The following CXADR variants were observed in gnomAD, a reference collection of about 807,000 sequenced individuals.
The protein encoded by CXADR is coxsackievirus and adenovirus receptor.
A neutral mutation model predicts 40.3 loss-of-function variants in CXADR; 20 were observed. The observed-to-expected ratio is 0.50, with a 90% CI of 0.35 to 0.72. The LOEUF is 0.72. CXADR is among the 30% of genes least tolerant of loss of function. CXADR has a pLI of 0.01. For missense variants in CXADR, 332 were observed against 449.1 expected, an observed-to-expected ratio of 0.74 and a Z score of 2.36; for synonymous variants, 150 against 161.3, an observed-to-expected ratio of 0.93 and a Z score of 0.53.
At chr21:17,515,468 C>T (rs971965266) in intron 1 of CXADR, among the ~76,000 whole-genome samples, 2 of 150,174 alleles carry the variant, frequency 1.3e-5, no homozygotes, top group South Asian at 2.1e-4. Context: ...AGAAGACATA[C>T]TAATTGATGA....
At chr21:17,558,536 TGATTGTCAGGGTTATGGCGCCTAGAGG>T (rs2061065650) in intron 3 of CXADR, among the ~76,000 whole-genome samples, 1 of 152,140 alleles carries the variant, frequency 6.6e-6, no homozygotes, top group African/African-American at 2.4e-5. Flanking sequence ...ATAAACTGCC[TGATTGTCAGGGTTATGGCGCCTAGAGG>T]GATGTGACTT....
At chr21:17,632,832 A>AT in the CXADR span, among the ~76,000 whole-genome samples, 2 of 152,128 alleles carry the variant, frequency 1.3e-5, no homozygotes, top group Non-Finnish European at 2.9e-5. Context: ...TCGCCACCGC[A>AT]CTCCAGCCTG....
At chr21:17,615,344 T>C in the CXADR span, among the ~76,000 whole-genome samples, 6 of 152,182 alleles carry the variant, frequency 3.9e-5, no homozygotes, top group South Asian at 4.1e-4. Context: ...TATTCTGTTA[T>C]AGCATCCTGG....
chr21:17,578,960 C>T (rs1242330923), intron 7 of CXADR, among the ~76,000 whole-genome samples: 1 of 152,180 alleles, frequency 6.6e-6, no homozygotes, highest in Non-Finnish European at 1.5e-5. Flanking sequence ...ATCCCCCCTT[C>T]ACCAGATCCC....
chr21:17,542,070 A>G (rs1274822649), intron 1 of CXADR: 1 of 342,462 alleles, frequency 2.9e-6, no homozygotes, highest in East Asian at 1.1e-4. Context: ...TTTTTAGTAT[A>G]GTTAAATTTT....
downstream of CXADR, among the ~76,000 whole-genome samples, chr21:17,596,892 G>C (rs1436345687): frequency 2.6e-5 from 4 of 151,712 alleles, no homozygotes; most frequent in East Asian, 5.8e-4. Flanking sequence ...CCCTCTCTTG[G>C]GATACCTTTT....
At chr21:17,528,366 G>A (rs371420261) in intron 1 of CXADR, among the ~76,000 whole-genome samples, 1 of 151,560 alleles carries the variant, frequency 6.6e-6, no homozygotes, top group African/African-American at 2.4e-5. Flanking sequence ...GAGCCACCGC[G>A]CCCGGCATGC....
At chr21:17,610,313 A>T in the CXADR span, among the ~76,000 whole-genome samples, 1 of 152,232 alleles carries the variant, frequency 6.6e-6, no homozygotes, top group African/African-American at 2.4e-5. Flanking sequence ...TAAATGGGTG[A>T]ATTGCATGGT....
the CXADR span, among the ~76,000 whole-genome samples, chr21:17,628,723 G>C: frequency 1.3e-5 from 2 of 152,028 alleles, no homozygotes; most frequent in Non-Finnish European, 2.9e-5. Flanking sequence ...GACTGGTCTC[G>C]AACTCCTGAC....
chr21:17,552,748 T>C (rs1191538030), intron 3 of CXADR, among the ~76,000 whole-genome samples: 1 of 152,142 alleles, frequency 6.6e-6, no homozygotes, highest in Non-Finnish European at 1.5e-5. Flanking sequence ...AGGGGACACT[T>C]GGGGATTGAC....
chr21:17,628,161 C>A, the CXADR span, among the ~76,000 whole-genome samples: 1 of 152,166 alleles, frequency 6.6e-6, no homozygotes, highest in Non-Finnish European at 1.5e-5. Flanking sequence ...GGCACTGTTC[C>A]AAGTTCTGGG....
chr21:17,622,594 G>GT, the CXADR span, among the ~76,000 whole-genome samples: 9 of 151,780 alleles, frequency 5.9e-5, no homozygotes, highest in East Asian at 1.9e-4. Context: ...CAAATAACTG[G>GT]TTTTTTTTCC....
At chr21:17,534,406 TA>T (rs1313638635) in intron 1 of CXADR, among the ~76,000 whole-genome samples, 20 of 152,106 alleles carry the variant, frequency 1.3e-4, no homozygotes, top group Admixed American at 1.3e-3. Flanking sequence ...TAGCAGTATT[TA>T]AAGCCTTAGT....
chr21:17,562,261 G>A (rs1056021654), intron 6 of CXADR, among the ~76,000 whole-genome samples: 15 of 152,196 alleles, frequency 9.9e-5, no homozygotes, highest in African/African-American at 2.9e-4. Flanking sequence ...GGCTGATCAG[G>A]ATGGTAGTTG....
intron 7 of CXADR, chr21:17,576,970 C>T (rs1004447352): frequency 3.0e-4 from 46 of 152,194 alleles, no homozygotes; most frequent in African/African-American, 1.1e-3. Context: ...TATTTAAAAA[C>T]AAGTTTAAAT....
intron 1 of CXADR, among the ~76,000 whole-genome samples, chr21:17,535,157 T>G (rs1375380243): frequency 2.0e-5 from 3 of 152,008 alleles, no homozygotes; most frequent in Non-Finnish European, 2.9e-5. Flanking sequence ...ACACAGCGTC[T>G]TGCTCTGTTG....
the CXADR span, among the ~76,000 whole-genome samples, chr21:17,623,619 G>GACACA: frequency 1.4e-3 from 220 of 152,226 alleles, no homozygotes; most frequent in Non-Finnish European, 2.4e-3. Flanking sequence ...CTAACAATGT[G>GACACA]ATGGACATCT....
intron 7 of CXADR, among the ~76,000 whole-genome samples, chr21:17,581,502 C>T (rs1220244859): frequency 6.6e-6 from 1 of 152,188 alleles, no homozygotes; most frequent in Admixed American, 6.5e-5. Context: ...GTTTAAAAGT[C>T]TACCTCTCTT....
intron 3 of CXADR, among the ~76,000 whole-genome samples, chr21:17,558,411 A>G (rs1169027902): frequency 1.3e-5 from 2 of 152,134 alleles, no homozygotes; most frequent in Non-Finnish European, 2.9e-5. Flanking sequence ...AGATTACACT[A>G]TGCCCAGCCC....
Sources: gnomAD v4.1 joint callset for allele counts (sites outside exome capture counted in the v4.1 genomes callset) on GRCh38, gnomAD v4.1.1 for gene constraint, MANE v1.5 for transcripts, NCBI Gene and HGNC (gene_info 2026-07-23, HGNC 2026-07-21) for gene names.